NAA60: variants seen among roughly 807,000 people sequenced by gnomAD.
NAA60 encodes the protein N-alpha-acetyltransferase 60.
Under a neutral mutation model 26.1 loss-of-function variants are expected in NAA60, and 8 were observed. The observed-to-expected ratio is 0.31, with a 90% CI of 0.18 to 0.55. NAA60 has a LOEUF of 0.55. Among genes scored for constraint, NAA60 ranks in the 20% least tolerant of loss-of-function variants. NAA60 has a pLI of 0.93. For synonymous variants in NAA60, 131 were observed against 122.5 expected (o/e 1.07, Z -0.46); for missense variants, 290 against 311.3 (o/e 0.93, Z 0.51).
chr16:3,463,060 C>T (rs2035512841), intron 2 of NAA60, among the ~76,000 whole-genome samples: 1 of 152,168 alleles, frequency 6.6e-6, no homozygotes, highest in African/African-American at 2.4e-5. Context: ...GCGACTTTGA[C>T]TCTGTGTTTA....
At chr16:3,453,447 C>T (rs1025548972) in intron 2 of NAA60, among the ~76,000 whole-genome samples, 1 of 152,008 alleles carries the variant, frequency 6.6e-6, no homozygotes, top group Non-Finnish European at 1.5e-5. Flanking sequence ...GTTTCGCTCT[C>T]GTCCAGGCTG....
chr16:3,449,811 A>G (rs1312914910), intron 2 of NAA60, among the ~76,000 whole-genome samples: 1 of 152,138 alleles, frequency 6.6e-6, no homozygotes, highest in Admixed American at 6.5e-5. Flanking sequence ...ATAGTGAATA[A>G]GTCTCACGAG....
intron 2 of NAA60, among the ~76,000 whole-genome samples, chr16:3,460,062 A>AG (rs764436075): frequency 1.3e-5 from 2 of 152,138 alleles, no homozygotes; most frequent in African/African-American, 2.4e-5. Context: ...TGGTTAGACG[A>AG]GGTGGATACA....
chr16:3,469,531 GTACCCATCC>G lies in NAA60; in HGVS notation c.-6-6689_-6-6681del, dbSNP rs1567382499. The stretch of plus-strand genomic sequence containing the variant: ...TGCTGCTCCGCACAGCACTGCCCTG[GTACCCATCC>G]TGTTTGGAGGGCTCAGAGCAGAGAG... On this transcript the variant is annotated intron_variant, in intron 2 of 7. Coordinates refer to ENST00000407558, the MANE Select transcript of NAA60 (RefSeq NM_001083601.3). 3.9e-4 allele frequency among the ~76,000 whole-genome samples: 45 copies of G among 115,584 alleles called. 1 individual carries two copies. Among genetic ancestry groups the G allele is most frequent in the Admixed American group, 9.0e-4 (10 of 11,092 alleles). The allele number at this position is 115,584 out of a possible 152,430, so 75.8% of individuals were successfully genotyped here.
At chr16:3,472,139 T>C (rs551310101) in intron 2 of NAA60, 1 of 152,064 alleles carries the variant, frequency 6.6e-6, no homozygotes, top group Non-Finnish European at 1.5e-5. Context: ...GGGCCCTGAG[T>C]AGTATGCACC....
chr16:3,476,901 TGTG>T lies in NAA60; in HGVS notation c.110+571_110+573del, dbSNP rs1464206392. Among the ~76,000 whole-genome samples the T allele has an allele frequency of 5.3e-5, 8 of 151,990 alleles. No homozygotes were observed. In the South Asian group the frequency reaches 1.2e-3, roughly 24 times the overall value. On this transcript the variant is annotated intron_variant, in intron 3 of 7. Coordinates refer to ENST00000407558, the MANE Select transcript of NAA60 (RefSeq NM_001083601.3). ...TACTAAAAATACAAAATTAGCCAGG[TGTG>T]GTGGTGCGTGCCTGTAATCCTAGCT...
chr16:3,467,289 C>G (rs1414630098), intron 2 of NAA60, among the ~76,000 whole-genome samples: 1 of 152,014 alleles, frequency 6.6e-6, no homozygotes, highest in Non-Finnish European at 1.5e-5. Context: ...GTTAGGGGCT[C>G]AGAGTGCAGG....
chr16:3,461,433 C>T (rs1471376953), intron 2 of NAA60, among the ~76,000 whole-genome samples: 4 of 152,188 alleles, frequency 2.6e-5, no homozygotes, highest in African/African-American at 9.7e-5. Flanking sequence ...GGGAAGCAAA[C>T]AAGGGCCACT....
chr16:3,473,737 GTTGTTGTTGTTT>G (rs1478662599), intron 2 of NAA60, among the ~76,000 whole-genome samples: 10 of 150,954 alleles, frequency 6.6e-5, no homozygotes, highest in African/African-American at 2.5e-4. Context: ...TGTTGTTGTT[GTTGTTGTTGTTT>G]TTTGAGATGG....
intron 2 of NAA60, among the ~76,000 whole-genome samples, chr16:3,464,354 G>A (rs898610479): frequency 1.3e-5 from 2 of 152,138 alleles, no homozygotes; most frequent in African/African-American, 4.8e-5. Context: ...AGGATCTTAA[G>A]TGCAAACCCA....
Position 3,454,928 on chromosome 16 carries a change from AGT to A in NAA60, c.-7+6390_-7+6391del, listed in dbSNP as rs2034917366. Among the ~76,000 whole-genome samples the A allele has an allele frequency of 1.2e-4, 19 of 152,378 alleles. No individual in the cohort carries two copies. In the South Asian group the frequency reaches 3.9e-3, roughly 32 times the overall value. Reference sequence around the variant, plus strand: ...ACAAATAACCTTGAATATCTCCTGTAGTGACACATGGTGCCTAACCGAATGAA... The same window carrying A: ...ACAAATAACCTTGAATATCTCCTGTAGACACATGGTGCCTAACCGAATGAA... On this transcript the variant is annotated intron_variant, in intron 2 of 7. Coordinates refer to ENST00000407558, the MANE Select transcript of NAA60 (RefSeq NM_001083601.3).
rs138727249 is a variant in NAA60, at chr16:3,464,478, C to G, written c.-6-11744C>G. ...AGGAAGTGCTCTGAAACCCGACCCT[C>G]TCTTGCTGGGCTTTCTCCTTTTAAA... On this transcript the variant is annotated intron_variant, in intron 2 of 7. Coordinates refer to ENST00000407558, the MANE Select transcript of NAA60 (RefSeq NM_001083601.3). Among the ~76,000 whole-genome samples the G allele has an allele frequency of 2.9e-3, 436 of 152,300 alleles. 4 individuals carry two copies. Among genetic ancestry groups the G allele is most frequent in the African/African-American group, 1.0e-2 (414 of 41,568 alleles).
chr16:3,478,119 C>T (rs1344486424), intron 3 of NAA60, among the ~76,000 whole-genome samples: 1 of 151,052 alleles, frequency 6.6e-6, no homozygotes, highest in Non-Finnish European at 1.5e-5. Context: ...ACCTGTAACC[C>T]CAGCTACTCG....
intron 2 of NAA60, among the ~76,000 whole-genome samples, chr16:3,455,013 A>G (rs887864605): frequency 6.6e-6 from 1 of 152,220 alleles, no homozygotes; most frequent in Non-Finnish European, 1.5e-5. Context: ...CCTCACACAT[A>G]AGCCGTGGAG....
In NAA60 at chr16:3,484,750, C is replaced by T; in HGVS notation, c.624C>T (p.Ser208=). 6.3e-7 allele frequency: 1 copy of T among 1,595,298 alleles called. No individual in the cohort carries two copies. The highest frequency in any genetic ancestry group is 1.7e-4 in the Middle Eastern group (1 of 6,050). The change falls in exon 7 of 8, where the codon TCC becomes TCT. Residue 208 remains serine (S), a synonymous_variant. Transcript: ENST00000407558. Reference sequence around the variant, plus strand: ...CACTAGCCAGCCTGAGCCCCTGCTCCATTCCGCACAGAGTCTACCGCCAGG... The same window carrying T: ...CACTAGCCAGCCTGAGCCCCTGCTCTATTCCGCACAGAGTCTACCGCCAGG... ...GSALASLSPC[S]IPHRVYRQAH...
intron 2 of NAA60, among the ~76,000 whole-genome samples, chr16:3,452,604 C>T (rs1393349125): frequency 1.3e-5 from 2 of 150,028 alleles, no homozygotes; most frequent in East Asian, 2.0e-4. Flanking sequence ...TGCAGTGAGC[C>T]AAAGATTGTG....
chr16:3,482,225 CT>C (rs1452664538), intron 4 of NAA60, among the ~76,000 whole-genome samples: 1 of 152,224 alleles, frequency 6.6e-6, no homozygotes, highest in African/African-American at 2.4e-5. Flanking sequence ...GCATCAGAGC[CT>C]CATTCCCGTC....
intron 1 of NAA60, among the ~76,000 whole-genome samples, chr16:3,444,674 G>A (rs559617391): frequency 3.4e-4 from 51 of 152,140 alleles, no homozygotes; most frequent in Non-Finnish European, 5.7e-4. Flanking sequence ...CCACCGAAAG[G>A]ATGTTCAAAG....
intron 2 of NAA60, among the ~76,000 whole-genome samples, chr16:3,470,917 G>A (rs1267586775): frequency 6.6e-6 from 1 of 152,212 alleles, no homozygotes; most frequent in African/African-American, 2.4e-5. Context: ...GACACATGAG[G>A]TGCTGTGATG....
Sources: gnomAD v4.1 joint callset for allele counts (sites outside exome capture counted in the v4.1 genomes callset) on GRCh38, gnomAD v4.1.1 for gene constraint, MANE v1.5 for transcripts, NCBI Gene and HGNC (gene_info 2026-07-23, HGNC 2026-07-21) for gene names.